Variants in SPATS1 observed in about 807,000 individuals in gnomAD.
SPATS1 encodes the protein spermatogenesis associated serine rich 1, also known as spermatogenesis-associated serine-rich protein 1.
A neutral mutation model predicts 33.6 loss-of-function variants in SPATS1; 23 were observed. That is an observed-to-expected ratio of 0.68 (90% CI 0.49 to 0.97). The LOEUF (loss-of-function observed/expected upper bound fraction) is 0.97. Among genes scored for constraint, SPATS1 ranks in the 50% least tolerant of loss-of-function variants. The pLI, the probability that SPATS1 is intolerant of heterozygous loss-of-function variation, is 0.00. For synonymous variants in SPATS1, 131 were observed against 125.6 expected (o/e 1.04, Z -0.29); for missense variants, 327 against 361.0 (o/e 0.91, Z 0.76).
At chr6:44,368,633 A>T in intron 6 of SPATS1, 134 bp downstream of exon 6, 1 of 800,076 alleles carries the variant, frequency 1.2e-6, no homozygotes, top group Non-Finnish European at 1.8e-6. Context: ...TGAAAAGCTC[A>T]TCTTTAGTTA....
At chr6:44,350,445 G>T (rs73439535) in intron 2 of SPATS1, among the ~76,000 whole-genome samples, 2,923 of 152,268 alleles carry the variant, frequency 0.019, 90 homozygotes, top group African/African-American at 0.066. Context: ...TAATTCAATA[G>T]GTCTGCGATG....
chr6:44,342,794 C>A, intron 1 of SPATS1, 26 bp downstream of exon 1: 1 of 623,466 alleles, frequency 1.6e-6, no homozygotes, highest in Non-Finnish European at 2.7e-6. Context: ...TGAGCACAGA[C>A]CCGGGCCTCC....
intron 2 of SPATS1, among the ~76,000 whole-genome samples, chr6:44,350,016 C>T (rs577198805): frequency 6.6e-6 from 1 of 152,198 alleles, no homozygotes; most frequent in Non-Finnish European, 1.5e-5. Flanking sequence ...TTGCCTGCCA[C>T]CTCCCCTGGG....
Position 44,343,130 on chromosome 6 carries a change from G to T in SPATS1, c.35G>T (p.Arg12Leu). The T allele has an allele frequency of 6.2e-7, 1 of 1,614,114 alleles. No homozygotes were observed. Among genetic ancestry groups the T allele is most frequent in the East Asian group, 2.2e-5 (1 of 44,888 alleles). ...SPSMLTGNSP[R>L]GCRLPSISST... The stretch of plus-strand genomic sequence containing the variant: ...TCCATGCTCACTGGAAACAGTCCAC[G>T]GGGCTGCCGTCTCCCCTCCATCTCA... Residue 12 changes from arginine (R) to leucine (L), a missense_variant, in exon 2 of 9, where the codon CGG becomes CTG. Arg to Leu is a moderately radical substitution (Grantham distance 102, BLOSUM62 -2). Coordinates refer to ENST00000674044, the MANE Select transcript of SPATS1 (RefSeq NM_001372081.1).
At chr6:44,368,671 T>C (rs1309516217) in intron 6 of SPATS1, among the ~76,000 whole-genome samples, 172 bp downstream of exon 6, 1 of 152,232 alleles carries the variant, frequency 6.6e-6, no homozygotes, top group Non-Finnish European at 1.5e-5. Context: ...TGCATGTGTA[T>C]AATTAAAATT....
chr6:44,350,562 G>T (rs960682037), intron 2 of SPATS1, among the ~76,000 whole-genome samples: 1 of 152,196 alleles, frequency 6.6e-6, no homozygotes. Context: ...TTGAAGGGAG[G>T]GAGTAGCTCA....
chr6:44,348,711 C>T lies in SPATS1; in HGVS notation c.140-4015C>T, dbSNP rs544879648. ...GAGACAGTAGAGAAGCACTTTTGCG[C>T]GGTGGCTCACGCCTGTAATACCAGC... is the stretch of plus-strand genomic sequence containing the variant. On this transcript the variant is annotated intron_variant, in intron 2 of 8. Transcript: ENST00000674044. Among the ~76,000 whole-genome samples the T allele has an allele frequency of 1.6e-4, 24 of 152,300 alleles. 1 individual carries two copies. The highest frequency in any genetic ancestry group is 5.2e-4 in the Admixed American group (8 of 15,306).
intron 2 of SPATS1, among the ~76,000 whole-genome samples, chr6:44,344,161 T>A (rs1787731687): frequency 6.6e-6 from 1 of 152,094 alleles, no homozygotes; most frequent in Non-Finnish European, 1.5e-5. Context: ...AGTTTCCAGT[T>A]TGGGGTAAAG....
In SPATS1 at chr6:44,377,055, C is replaced by A. The variant is rs1413552461; in HGVS notation, c.895C>A (p.Gln299Lys). 6.2e-7 allele frequency: 1 copy of A among 1,614,206 alleles called. No individual in the cohort carries two copies. The highest frequency in any genetic ancestry group is 1.7e-5 in the Admixed American group (1 of 60,030). The change falls in exon 9 of 9, where the codon CAA becomes AAA. Residue 299 changes from glutamine to lysine, a missense_variant. Physicochemically the swap from Gln to Lys is moderately conservative, Grantham distance 53. Coordinates refer to ENST00000674044, the MANE Select transcript of SPATS1 (RefSeq NM_001372081.1). ...HLSGALDFPR[Q>K]S is the part of the protein sequence containing the mutation. Reference sequence around the variant, plus strand: ...CACAGGTGCTTTGGACTTTCCAAGACAATCCTGAGCATAAACAGGCCCACA... The same window carrying A: ...CACAGGTGCTTTGGACTTTCCAAGAAAATCCTGAGCATAAACAGGCCCACA...
At chr6:44,352,925 G>T (rs752523577) in intron 3 of SPATS1, 52 bp downstream of exon 3, 1 of 1,583,870 alleles carries the variant, frequency 6.3e-7, no homozygotes. Context: ...TTCTGACCAA[G>T]AAGCCAATAG....
At chr6:44,370,681 T>C (rs1026717127) in intron 7 of SPATS1, among the ~76,000 whole-genome samples, 1 of 152,242 alleles carries the variant, frequency 6.6e-6, no homozygotes, top group Non-Finnish European at 1.5e-5. Flanking sequence ...AGTGGGCATG[T>C]GTCCCAGGGT....
At chr6:44,364,429 C>T (rs1789115380) in intron 5 of SPATS1, among the ~76,000 whole-genome samples, 1 of 152,164 alleles carries the variant, frequency 6.6e-6, no homozygotes, top group African/African-American at 2.4e-5. Flanking sequence ...GAAACTAGGC[C>T]TTATCCTGCA....
At chr6:44,367,244 C>G (rs944356257) in intron 5 of SPATS1, among the ~76,000 whole-genome samples, 6 of 152,184 alleles carry the variant, frequency 3.9e-5, no homozygotes, top group Admixed American at 3.9e-4. Context: ...TGTGCCACCA[C>G]ACCCAGCTAA....
chr6:44,354,184 A>G (rs1788424198), intron 3 of SPATS1, among the ~76,000 whole-genome samples: 1 of 151,842 alleles, frequency 6.6e-6, no homozygotes, highest in East Asian at 1.9e-4. Context: ...AAATACAAAA[A>G]TTAGCCGGGC....
At chr6:44,347,310 A>G (rs1035876558) in intron 2 of SPATS1, among the ~76,000 whole-genome samples, 7 of 152,176 alleles carry the variant, frequency 4.6e-5, no homozygotes, top group Admixed American at 2.6e-4. Context: ...CTACCGTGGC[A>G]TGTGTATAAC....
intron 2 of SPATS1, among the ~76,000 whole-genome samples, chr6:44,351,259 T>A (rs1304495635): frequency 6.6e-6 from 1 of 152,212 alleles, no homozygotes; most frequent in Non-Finnish European, 1.5e-5. Flanking sequence ...TAGAGATGAT[T>A]TACAGTACAG....
At chr6:44,351,646 C>T (rs1226447938) in intron 2 of SPATS1, among the ~76,000 whole-genome samples, 1 of 152,104 alleles carries the variant, frequency 6.6e-6, no homozygotes, top group Non-Finnish European at 1.5e-5. Flanking sequence ...GATAACAGAA[C>T]AAATTGGCTT....
chr6:44,372,844 G>C (rs1332858818), intron 7 of SPATS1, among the ~76,000 whole-genome samples: 2 of 152,228 alleles, frequency 1.3e-5, no homozygotes, highest in Admixed American at 6.5e-5. Flanking sequence ...TTGTTTTCAA[G>C]CTTTGTTAGG....
In SPATS1 at chr6:44,343,015, T is replaced by C. The variant is rs569464683; in HGVS notation, c.1-81T>C. 4.5e-6 allele frequency: 7 copies of C among 1,565,918 alleles called. No homozygotes were observed. The South Asian group carries it at 6.8e-5, about 15-fold the overall frequency. On this transcript the variant is annotated intron_variant, in intron 1 of 8. Transcript: ENST00000674044. Reference sequence around the variant, plus strand: ...CTTTCGGTGGCTTGTGGAATTTGTTTGTTTTGACTGATACCTTTCTTACGA... The same window carrying C: ...CTTTCGGTGGCTTGTGGAATTTGTTCGTTTTGACTGATACCTTTCTTACGA...
Sources: gnomAD v4.1 joint callset for allele counts (sites outside exome capture counted in the v4.1 genomes callset) on GRCh38, gnomAD v4.1.1 for gene constraint, MANE v1.5 for transcripts, NCBI Gene and HGNC (gene_info 2026-07-23, HGNC 2026-07-21) for gene names.